CIITA: variants seen among roughly 807,000 people sequenced by gnomAD.
CIITA encodes the protein MHC class II transactivator.
Under a neutral mutation model 115.1 loss-of-function variants are expected in CIITA, and 72 were observed. That is an observed-to-expected ratio of 0.63 (90% CI 0.52 to 0.76). CIITA has a LOEUF of 0.76. Among genes scored for constraint, CIITA ranks in the 30% least tolerant of loss-of-function variants. The probability of loss-of-function intolerance (pLI) is 0.00; values close to 1 mark genes in which losing one functional copy is unlikely to be tolerated. For missense variants in CIITA, 1,617 were observed against 1,463.8 expected, an observed-to-expected ratio of 1.10 and a Z score of -1.71; for synonymous variants, 763 against 635.6, an observed-to-expected ratio of 1.20 and a Z score of -3.02.
intron 1 of CIITA, among the ~76,000 whole-genome samples, chr16:10,869,119 C>G (rs1248911747): frequency 6.6e-6 from 1 of 152,218 alleles, no homozygotes; most frequent in African/African-American, 2.4e-5. Context: ...TCCCTCTCAA[C>G]CACTCTATAA....
chr16:10,911,411 CCTAT>C (rs202114454), intron 13 of CIITA, among the ~76,000 whole-genome samples: 3,887 of 141,204 alleles, frequency 0.028, 70 homozygotes, highest in Non-Finnish European at 0.042. Flanking sequence ...TTCCTCCCTC[CCTAT>C]CTCTCTCTTT....
At chr16:10,878,022 T>C (rs1316264345) in intron 1 of CIITA, among the ~76,000 whole-genome samples, 1 of 152,140 alleles carries the variant, frequency 6.6e-6, no homozygotes, top group Non-Finnish European at 1.5e-5. Context: ...GTTTACATTC[T>C]CGAGTCAATT....
At position 10,934,451 on chromosome 16, in the gene CIITA, G is replaced by A. The variant is rs996375970; in HGVS notation, c.*10596G>A. ...AAAGGGCAAAGCAGTAGGTGCTCAGGGGGTGTCGGGGCCCTGAGAGCTGAT... is the reference window on the plus strand; with the variant it reads ...AAAGGGCAAAGCAGTAGGTGCTCAGAGGGTGTCGGGGCCCTGAGAGCTGAT... On this transcript the variant is annotated 3_prime_UTR_variant, in exon 20 of 20. Coordinates refer to ENST00000324288, the MANE Select transcript of CIITA (RefSeq NM_000246.4). The surrounding 1 kb of genome is among the most constrained non-coding windows in gnomAD (Gnocchi z 4.2). The A allele has an allele frequency of 6.6e-6, 1 of 152,224 alleles. No individual in the cohort carries two copies. The highest frequency in any genetic ancestry group is 2.4e-5 in the African/African-American group (1 of 41,428). 9.4% of individuals were successfully genotyped at this position (152,224 alleles called of 1,614,324 possible). A position where few individuals can be genotyped will look rare whatever the true frequency, so the allele number is the denominator to read the frequency against.
intron 10 of CIITA, 86 bp downstream of exon 10, chr16:10,904,898 T>C: frequency 7.4e-7 from 1 of 1,344,072 alleles, no homozygotes; most frequent in Non-Finnish European, 1.1e-6. Flanking sequence ...TTGACACTTA[T>C]TCAACCCCTT....
chr16:10,899,631 G>A (rs7189406), intron 5 of CIITA, among the ~76,000 whole-genome samples: 114,666 of 152,104 alleles, frequency 0.75, 46,602 homozygotes, highest in Non-Finnish European at 0.93. Context: ...TAGCACCTCA[G>A]TAGATATCTG....
downstream of CIITA, chr16:10,939,002 T>A (rs2041065951): frequency 6.6e-6 from 1 of 152,232 alleles, no homozygotes; most frequent in Admixed American, 6.5e-5. The surrounding 1 kb of genome is among the most constrained non-coding windows in gnomAD (Gnocchi z 4.9). Flanking sequence ...ATGCTTGGCT[T>A]GGAGACAGGG....
rs557311631 is a variant in CIITA, at chr16:10,923,714, G to T, written c.*23-164G>T. On this transcript the variant is annotated intron_variant, in intron 19 of 19. Coordinates refer to ENST00000324288, the MANE Select transcript of CIITA (RefSeq NM_000246.4). The surrounding 1 kb of genome is among the most constrained non-coding windows in gnomAD (Gnocchi z 5.2). ...CAAGTCTCCTGCTCCTCACTATGAA[G>T]ATCACTGTCCCCCAGCCCTGTGCTC... Among the ~76,000 whole-genome samples, 1 of 152,214 alleles carries T rather than the reference G, an allele frequency of 6.6e-6. No individual in the cohort carries two copies. Among genetic ancestry groups the T allele is most frequent in the Admixed American group, 6.5e-5 (1 of 15,278 alleles).
chr16:10,874,002 A>G (rs746277615), upstream of CIITA, among the ~76,000 whole-genome samples: 4 of 152,050 alleles, frequency 2.6e-5, no homozygotes, highest in African/African-American at 4.8e-5. Flanking sequence ...ATTTTTTGAA[A>G]TAGAGTCTCG....
At chr16:10,889,821 T>C (rs2037365737) in intron 1 of CIITA, among the ~76,000 whole-genome samples, 1 of 152,186 alleles carries the variant, frequency 6.6e-6, no homozygotes. Context: ...CCAGAACTAA[T>C]ATTGGGAAAA....
intron 1 of CIITA, among the ~76,000 whole-genome samples, chr16:10,869,801 G>C (rs975930137): frequency 2.0e-5 from 3 of 152,068 alleles, no homozygotes; most frequent in African/African-American, 4.8e-5. Flanking sequence ...GAGCCACTGC[G>C]CCTGGCTCCC....
At chr16:10,922,343 G>T in intron 17 of CIITA, 64 bp from the exon 18 acceptor site, 1 of 1,607,836 alleles carries the variant, frequency 6.2e-7, no homozygotes, top group Non-Finnish European at 8.5e-7. Context: ...GGATGTGGGG[G>T]TGGCCTTGGT....
chr16:10,939,120 G>A (rs2041067439), downstream of CIITA: 1 of 152,204 alleles, frequency 6.6e-6, no homozygotes, highest in Admixed American at 6.5e-5. The surrounding 1 kb of genome is among the most constrained non-coding windows in gnomAD (Gnocchi z 4.9). Context: ...AGACACAGGA[G>A]TGCGATACAA....
chr16:10,897,789 T>TATCATTATTATCACC (rs372082682), intron 3 of CIITA, among the ~76,000 whole-genome samples: 2,656 of 152,214 alleles, frequency 0.017, 74 homozygotes, highest in African/African-American at 0.06. Context: ...CAACCACCGT[T>TATCATTATTATCACC]ATCATTATTA....
chr16:10,922,078 G>A, intron 16 of CIITA, 89 bp from the exon 17 acceptor site: 7 of 1,180,994 alleles, frequency 5.9e-6, no homozygotes, highest in Non-Finnish European at 7.6e-6. Context: ...GTGGGACCAG[G>A]CTTTTTCTGG....
intron 1 of CIITA, chr16:10,866,639 C>G (rs2035087871): frequency 2.4e-6 from 1 of 408,516 alleles, no homozygotes; most frequent in African/African-American, 2.1e-5. Flanking sequence ...ATTTTCCCTC[C>G]TCTCTGAAAG....
In CIITA at chr16:10,926,380, C is replaced by G. The variant is rs11074941; in HGVS notation, c.*2525C>G. 147,265 of 152,280 alleles carry G rather than the reference C, an allele frequency of 0.97. 71,365 individuals carry two copies. The highest frequency in any genetic ancestry group is 1 in the East Asian group (5,188 of 5,188). The allele number at this position is 152,280 out of a possible 1,614,324, so 9.4% of individuals were successfully genotyped here. A position where few individuals can be genotyped will look rare whatever the true frequency, so the allele number is the denominator to read the frequency against. The stretch of plus-strand genomic sequence containing the variant: ...AGGCCATGGGCCTCCTGTGTGTGCG[C>G]CTACAGGAGTGAGCACTAAGGTGTG... On this transcript the variant is annotated 3_prime_UTR_variant, in exon 20 of 20. Coordinates refer to ENST00000324288, the MANE Select transcript of CIITA (RefSeq NM_000246.4).
intron 1 of CIITA, among the ~76,000 whole-genome samples, chr16:10,868,164 C>T (rs1407504760): frequency 6.6e-6 from 1 of 152,184 alleles, no homozygotes; most frequent in African/African-American, 2.4e-5. Context: ...GTGCCAGAAA[C>T]AGCCTAAGCG....
Position 10,918,512 on chromosome 16 carries a change from C to T in CIITA, c.3135C>T (p.Ser1045=), listed in dbSNP as rs745690396. The change falls in exon 16 of 20, where the codon TCC becomes TCT. Residue 1045 remains serine (S), a synonymous_variant. Coordinates refer to ENST00000324288, the MANE Select transcript of CIITA (RefSeq NM_000246.4). ...LAEALPSLAA[S]LLRLSLYNNC... ...AGGCCCTGCCTTCGCTCGCTGCATC[C>T]CTGCTCAGGCTAAGGTGAGTGGGGC... The T allele has an allele frequency of 6.2e-7, 1 of 1,614,104 alleles. No homozygotes were observed. The highest frequency in any genetic ancestry group is 8.5e-7 in the Non-Finnish European group (1 of 1,180,022).
chr16:10,900,736 T>C (rs937331497), intron 5 of CIITA, among the ~76,000 whole-genome samples: 6 of 150,098 alleles, frequency 4.0e-5, no homozygotes, highest in Non-Finnish European at 8.8e-5. Flanking sequence ...CTAGACTCTG[T>C]TTCAAAAAAA....
Sources: gnomAD v4.1 joint callset for allele counts (sites outside exome capture counted in the v4.1 genomes callset) on GRCh38, gnomAD v4.1.1 for gene constraint, Gnocchi (gnomAD v3.1) non-coding constraint, MANE v1.5 for transcripts, NCBI Gene and HGNC (gene_info 2026-07-23, HGNC 2026-07-21) for gene names.